Variants in SFMBT2 observed in about 807,000 individuals in gnomAD.
The protein encoded by SFMBT2 is Scm like with four mbt domains 2.
A neutral mutation model predicts 110.1 loss-of-function variants in SFMBT2; 38 were observed. That is an observed-to-expected ratio of 0.35 (90% CI 0.27 to 0.45). The LOEUF (loss-of-function observed/expected upper bound fraction) is 0.45, where lower values mean the gene tolerates loss of function less well. SFMBT2 is among the 20% of genes least tolerant of loss of function. SFMBT2 has a pLI of 1.00. For missense variants in SFMBT2, 1,011 were observed against 1,094.9 expected (o/e 0.92, Z 1.08); for synonymous variants, 425 against 425.4 (o/e 1.00, Z 0.01).
intron 7 of SFMBT2, among the ~76,000 whole-genome samples, chr10:7,275,758 G>C (rs1297845153): frequency 6.6e-6 from 1 of 152,240 alleles, no homozygotes; most frequent in East Asian, 1.9e-4. Flanking sequence ...GGGAAGTACT[G>C]AATGAAAGGG....
intron 4 of SFMBT2, among the ~76,000 whole-genome samples, chr10:7,310,924 G>A (rs185382520): frequency 6.6e-6 from 1 of 152,010 alleles, no homozygotes; most frequent in East Asian, 1.9e-4. Flanking sequence ...GCGGACGCCT[G>A]TAATCCCAGC....
rs767756895 is a variant in SFMBT2 at position 7,367,673 on chromosome 10, T to C, written c.412A>G (p.Asn138Asp). Residue 138 changes from asparagine to aspartate, a missense_variant, in exon 4 of 21, where the codon AAC becomes GAC. Asn to Asp is a conservative substitution (Grantham distance 23). Coordinates refer to ENST00000397167, the MANE Select transcript of SFMBT2 (RefSeq NM_001387889.1). The surrounding 1 kb of genome is among the most constrained non-coding windows in gnomAD (Gnocchi z 6.2). Reference sequence around the variant, plus strand: ...CCGTCCGGCGGCATCAACACCTTGTTGTTCTGTGTGCACCACCCCACGGGG... The same window carrying C: ...CCGTCCGGCGGCATCAACACCTTGTCGTTCTGTGTGCACCACCCCACGGGG... Reference protein sequence around the residue: ...LHPVGWCTQNNKVLMPPDAIK... With the variant: ...LHPVGWCTQNDKVLMPPDAIK... The C allele has an allele frequency of 6.2e-7, 1 of 1,613,162 alleles. No individual in the cohort carries two copies. The highest frequency in any genetic ancestry group is 1.1e-5 in the South Asian group (1 of 91,046).
At position 7,170,584 on chromosome 10, in the gene SFMBT2, C is replaced by T. The variant is rs1235525997; in HGVS notation, c.2544+344G>A. Among the ~76,000 whole-genome samples the T allele has an allele frequency of 2.6e-5, 4 of 152,124 alleles. No individual in the cohort carries two copies. The highest frequency in any genetic ancestry group is 6.5e-5 in the Admixed American group (1 of 15,286). On this transcript the variant is annotated intron_variant, in intron 20 of 20. Coordinates refer to ENST00000397167, the MANE Select transcript of SFMBT2 (RefSeq NM_001387889.1). This position sits in a 1 kb window ranked among gnomAD's most constrained non-coding sequence, Gnocchi z 4.6. ...TGGTAAAGAGCCCCCACTGTAGAGT[C>T]GGTGGAGATGGCAGGGGGAGCGTGG... is the stretch of plus-strand genomic sequence containing the variant.
chr10:7,348,942 C>A (rs1167673835), intron 4 of SFMBT2, among the ~76,000 whole-genome samples: 1 of 152,132 alleles, frequency 6.6e-6, no homozygotes. Context: ...ACCACCATGA[C>A]AAGGATGAGA....
intron 6 of SFMBT2, among the ~76,000 whole-genome samples, chr10:7,283,580 G>A (rs1243536361): frequency 1.3e-5 from 2 of 152,188 alleles, no homozygotes; most frequent in Middle Eastern, 3.2e-3. Flanking sequence ...CTACTTACAA[G>A]ACTATCAAAA....
At chr10:7,409,738 G>A (rs999263846) in intron 1 of SFMBT2, among the ~76,000 whole-genome samples, 8 of 151,968 alleles carry the variant, frequency 5.3e-5, no homozygotes, top group East Asian at 1.9e-4. Context: ...AAACTAAGGG[G>A]TGGAAACTTC....
intron 2 of SFMBT2, among the ~76,000 whole-genome samples, chr10:7,377,030 A>G (rs1477324463): frequency 1.3e-4 from 20 of 150,892 alleles, no homozygotes; most frequent in African/African-American, 4.4e-4. Flanking sequence ...TTAGCTGGGC[A>G]TGGTGGCGGG....
chr10:7,329,037 C>A (rs1186200164), intron 4 of SFMBT2, among the ~76,000 whole-genome samples: 1 of 152,186 alleles, frequency 6.6e-6, no homozygotes, highest in South Asian at 2.1e-4. Flanking sequence ...CATGAGGCTG[C>A]CAGATATAGA....
intron 15 of SFMBT2, among the ~76,000 whole-genome samples, chr10:7,194,908 C>A (rs970939436): frequency 1.3e-5 from 2 of 152,218 alleles, no homozygotes; most frequent in Non-Finnish European, 2.9e-5. Flanking sequence ...AAACAGCCAG[C>A]CCCTCAAGAC....
intron 11 of SFMBT2, among the ~76,000 whole-genome samples, chr10:7,217,369 T>C (rs1447909143): frequency 6.6e-6 from 1 of 152,200 alleles, no homozygotes; most frequent in Non-Finnish European, 1.5e-5. Flanking sequence ...TGAAAAATTT[T>C]TTCAATAAAA....
intron 11 of SFMBT2, chr10:7,215,648 G>C (rs1251885352): frequency 1.0e-6 from 1 of 985,330 alleles, no homozygotes; most frequent in African/African-American, 1.7e-5. Flanking sequence ...GCCCCGCAGA[G>C]GCAGCACAGA....
At chr10:7,322,130 G>C (rs1843210003) in intron 4 of SFMBT2, among the ~76,000 whole-genome samples, 1 of 152,172 alleles carries the variant, frequency 6.6e-6, no homozygotes, top group Non-Finnish European at 1.5e-5. Flanking sequence ...CCCACTAGGG[G>C]GGAATTGAAT....
chr10:7,328,183 T>C (rs1024731326), intron 4 of SFMBT2, among the ~76,000 whole-genome samples: 10 of 152,228 alleles, frequency 6.6e-5, no homozygotes, highest in Non-Finnish European at 1.0e-4. Flanking sequence ...TGTGTAGTAA[T>C]ATTGACTGTG....
chr10:7,319,744 GACAGAGAGAGAGAGACAGAGAGAGAC>G (rs1843115878), intron 4 of SFMBT2, among the ~76,000 whole-genome samples: 2 of 117,710 alleles, frequency 1.7e-5, no homozygotes, highest in South Asian at 2.4e-4. Flanking sequence ...AAGATAGAGA[GACAGAGAGAGAGAGACAGAGAGAGAC>G]ACAGAGAGAG....
At chr10:7,245,774 C>A (rs923102143) in intron 8 of SFMBT2, among the ~76,000 whole-genome samples, 3 of 152,160 alleles carry the variant, frequency 2.0e-5, no homozygotes, top group Non-Finnish European at 4.4e-5. Flanking sequence ...GCTGGAGGTT[C>A]ATCATTTAAT....
At chr10:7,349,345 G>A (rs538636610) in intron 4 of SFMBT2, among the ~76,000 whole-genome samples, 4 of 150,172 alleles carry the variant, frequency 2.7e-5, no homozygotes, top group Admixed American at 1.3e-4. Context: ...GAACCACCAT[G>A]TCAAACTTAA....
At chr10:7,227,761 C>A (rs1163168788) in intron 10 of SFMBT2, 94 bp downstream of exon 10, 2 of 1,066,654 alleles carry the variant, frequency 1.9e-6, no homozygotes, top group Non-Finnish European at 2.8e-6. Flanking sequence ...CTGTAATACT[C>A]CAACCGTGCT....
intron 1 of SFMBT2, among the ~76,000 whole-genome samples, chr10:7,406,987 G>T (rs749197522): frequency 1.3e-5 from 2 of 152,232 alleles, no homozygotes; most frequent in South Asian, 2.1e-4. Flanking sequence ...AGGGTTGGCG[G>T]GGGGGGAGGG....
At chr10:7,410,380 C>G (rs577081120) in intron 1 of SFMBT2, among the ~76,000 whole-genome samples, 65 of 152,344 alleles carry the variant, frequency 4.3e-4, no homozygotes, top group African/African-American at 1.5e-3. Flanking sequence ...AGGGGAGACC[C>G]CAGCGCGGAG....
Sources: gnomAD v4.1 joint callset for allele counts (sites outside exome capture counted in the v4.1 genomes callset) on GRCh38, gnomAD v4.1.1 for gene constraint, Gnocchi (gnomAD v3.1) non-coding constraint, MANE v1.5 for transcripts, NCBI Gene and HGNC (gene_info 2026-07-23, HGNC 2026-07-21) for gene names.